The following TDRD15 variants were observed in gnomAD, a reference collection of about 807,000 sequenced individuals.
TDRD15 encodes the protein tudor domain containing 15.
For missense variants in TDRD15, 1,416 were observed against 904.7 expected, an observed-to-expected ratio of 1.57 and a Z score of -7.25; for synonymous variants, 503 against 314.5, an observed-to-expected ratio of 1.60 and a Z score of -6.34.
At chr2:21,127,237 T>C (rs1366003852) in intron 1 of TDRD15, among the ~76,000 whole-genome samples, 2 of 152,160 alleles carry the variant, frequency 1.3e-5, no homozygotes, top group African/African-American at 4.8e-5. Context: ...GTTTTGTAAG[T>C]ATTTTCTCAC....
intron 2 of TDRD15, among the ~76,000 whole-genome samples, chr2:21,131,137 C>T (rs1433579604): frequency 6.6e-6 from 1 of 152,076 alleles, no homozygotes; most frequent in Admixed American, 6.5e-5. Flanking sequence ...AGTTTTAAAG[C>T]AAAAATTAGA....
intron 2 of TDRD15, among the ~76,000 whole-genome samples, chr2:21,132,410 G>A (rs1665736621): frequency 1.3e-5 from 2 of 152,080 alleles, no homozygotes; most frequent in Admixed American, 1.3e-4. Context: ...ATGGGGTGGA[G>A]TTAAGGCTAA....
chr2:21,125,520 T>G (rs535785611), intron 1 of TDRD15, among the ~76,000 whole-genome samples: 1 of 150,646 alleles, frequency 6.6e-6, no homozygotes, highest in South Asian at 2.1e-4. Flanking sequence ...AGAGAGAGAG[T>G]GAGTTAGTGT....
chr2:21,125,274 CT>C (rs1553306656), intron 1 of TDRD15, among the ~76,000 whole-genome samples: 2 of 128,508 alleles, frequency 1.6e-5, no homozygotes, highest in East Asian at 3.2e-4. Context: ...GTTCTAGCGT[CT>C]GTGTGTGAGA....
chr2:21,127,084 T>C (rs1049457767), intron 1 of TDRD15, among the ~76,000 whole-genome samples: 6 of 152,240 alleles, frequency 3.9e-5, no homozygotes, highest in Non-Finnish European at 8.8e-5. Context: ...TAAGCATCTT[T>C]TTCAAATGCG....
intron 2 of TDRD15, 125 bp downstream of exon 2, chr2:21,127,836 A>G (rs1245375984): frequency 2.6e-5 from 4 of 152,224 alleles, no homozygotes; most frequent in African/African-American, 9.6e-5. Context: ...ACCAAAATGC[A>G]TCCCAGGATT....
chr2:21,129,728 T>A (rs949632472), intron 2 of TDRD15, among the ~76,000 whole-genome samples: 2 of 152,202 alleles, frequency 1.3e-5, no homozygotes, highest in East Asian at 1.9e-4. Flanking sequence ...CTGTTTTTTT[T>A]ATCTTTTGTT....
In TDRD15 at chr2:21,142,180, A is replaced by T. The variant is rs1357233657; in HGVS notation, c.4713A>T (p.Ser1571=). Residue 1571 remains serine, a synonymous_variant, in exon 4 of 4, where the codon TCA becomes TCT. Transcript: ENST00000405799. ...TKEEKKSPFL[S]MESIEKGLEC... Reference sequence around the variant, plus strand: ...AAGAAAAAAAATCCCCTTTTTTATCAATGGAAAGTATTGAAAAAGGTTTAG... The same window carrying T: ...AAGAAAAAAAATCCCCTTTTTTATCTATGGAAAGTATTGAAAAAGGTTTAG... 1.5e-6 allele frequency: 1 copy of T among 675,104 alleles called. No individual in the cohort carries two copies. Among genetic ancestry groups the T allele is most frequent in the Non-Finnish European group, 2.7e-6 (1 of 373,528 alleles). 41.8% of individuals were successfully genotyped at this position (675,104 alleles called of 1,614,324 possible). A position where few individuals can be genotyped will look rare whatever the true frequency, so the allele number is the denominator to read the frequency against.
At chr2:21,126,984 T>G (rs925849946) in intron 1 of TDRD15, among the ~76,000 whole-genome samples, 1 of 152,234 alleles carries the variant, frequency 6.6e-6, no homozygotes, top group African/African-American at 2.4e-5. Flanking sequence ...CAGTGTTTGG[T>G]ACGGTTGCCC....
Position 21,141,776 on chromosome 2 carries a change from A to G in TDRD15, c.4309A>G (p.Lys1437Glu). The G allele has an allele frequency of 1.4e-6, 1 of 714,458 alleles. No individual in the cohort carries two copies. The allele number at this position is 714,458 out of a possible 1,614,324, so 44.3% of individuals were successfully genotyped here. A position where few individuals can be genotyped will look rare whatever the true frequency, so the allele number is the denominator to read the frequency against. The change falls in exon 4 of 4, where the codon AAA becomes GAA. Residue 1437 changes from lysine to glutamate, a missense_variant. Coordinates refer to ENST00000405799, the MANE Select transcript of TDRD15 (RefSeq NM_001306137.2). ...TTATTTTACTTCGAAAGTACATAAC[A>G]AAACAGTTTATTGTGAATTTTTGAA... ...VDYFTSKVHNKTVYCEFLKKH... is the reference protein window; with the variant it reads ...VDYFTSKVHNETVYCEFLKKH...
In TDRD15 at chr2:21,142,282, A is replaced by G. The variant is rs937486074; in HGVS notation, c.4815A>G (p.Val1605=). The G allele has an allele frequency of 1.7e-5, 12 of 691,338 alleles. No individual in the cohort carries two copies. In the African/African-American group the frequency reaches 2.2e-4, roughly 12 times the overall value. 42.8% of individuals were successfully genotyped at this position (691,338 alleles called of 1,614,324 possible). The change falls in exon 4 of 4, where the codon GTA becomes GTG. Residue 1605 remains valine (V), a synonymous_variant. Transcript: ENST00000405799. ...KVEEKYVDDK[V]LVFLVDCGIY... ...AAGAAAAGTATGTTGATGATAAAGT[A>G]CTTGTTTTTTTAGTAGATTGTGGTA...
intron 2 of TDRD15, among the ~76,000 whole-genome samples, chr2:21,131,126 A>C (rs1035261119): frequency 6.6e-6 from 1 of 152,182 alleles, no homozygotes; most frequent in African/African-American, 2.4e-5. Flanking sequence ...GATAAAATCC[A>C]AGTTTTAAAG....
rs1399044970 is a variant in TDRD15 at position 21,142,285 on chromosome 2, T to A, written c.4818T>A (p.Leu1606=). The A allele has an allele frequency of 1.4e-6, 1 of 690,918 alleles. No individual in the cohort carries two copies. Among genetic ancestry groups the A allele is most frequent in the Non-Finnish European group, 2.6e-6 (1 of 377,614 alleles). 42.8% of individuals were successfully genotyped at this position (690,918 alleles called of 1,614,324 possible). ...AAAAGTATGTTGATGATAAAGTACT[T>A]GTTTTTTTAGTAGATTGTGGTATCT... ...VEEKYVDDKV[L]VFLVDCGIYE... Residue 1606 remains leucine, a synonymous_variant, in exon 4 of 4, where the codon CTT becomes CTA. Transcript: ENST00000405799.
intron 3 of TDRD15, among the ~76,000 whole-genome samples, chr2:21,136,409 A>C (rs1517471): frequency 0.081 from 12,335 of 151,992 alleles, 658 homozygotes; most frequent in East Asian, 0.16. Context: ...TGTATAGTTC[A>C]TCCTAATATC....
chr2:21,137,188 T>A (rs1054241970), intron 3 of TDRD15, among the ~76,000 whole-genome samples: 34 of 151,990 alleles, frequency 2.2e-4, no homozygotes, highest in Non-Finnish European at 5.9e-5. Context: ...AAAATAAAGG[T>A]TGCTCCTCTC....
chr2:21,146,585 C>T (rs1207507633), downstream of TDRD15, among the ~76,000 whole-genome samples: 2 of 151,886 alleles, frequency 1.3e-5, no homozygotes, highest in Non-Finnish European at 2.9e-5. Flanking sequence ...ATGTAATAAC[C>T]CATTCAAAAA....
chr2:21,143,234 G>A lies in TDRD15; in HGVS notation c.5767G>A (p.Ala1923Thr). ...TTCTAAAGATTCACCTCATCTTGAT[G>A]CAATTACTGCTACTGAATCTGCTAA... is the stretch of plus-strand genomic sequence containing the variant. ...TYSKDSPHLD[A>T]ITATESAKNP... is the part of the protein sequence containing the mutation. The change falls in exon 4 of 4, where the codon GCA becomes ACA. Residue 1923 changes from alanine (A) to threonine (T), a missense_variant. Coordinates refer to ENST00000405799, the MANE Select transcript of TDRD15 (RefSeq NM_001306137.2). 1.6e-6 allele frequency: 1 copy of A among 643,908 alleles called. No homozygotes were observed. The highest frequency in any genetic ancestry group is 2.8e-6 in the Non-Finnish European group (1 of 354,336). 39.9% of individuals were successfully genotyped at this position (643,908 alleles called of 1,614,324 possible). A position where few individuals can be genotyped will look rare whatever the true frequency, so the allele number is the denominator to read the frequency against.
intron 3 of TDRD15, among the ~76,000 whole-genome samples, chr2:21,135,128 T>G (rs1665784835): frequency 6.8e-6 from 1 of 145,986 alleles, no homozygotes; most frequent in African/African-American, 2.5e-5. Flanking sequence ...TATTATGTAT[T>G]AAATATTATA....
chr2:21,135,074 T>C (rs1665783245), intron 3 of TDRD15, among the ~76,000 whole-genome samples: 2 of 146,434 alleles, frequency 1.4e-5, no homozygotes, highest in African/African-American at 4.9e-5. Flanking sequence ...TATTTATATA[T>C]AAACAATTAG....
Sources: allele counts gnomAD v4.1 joint callset (sites outside exome capture counted in the v4.1 genomes callset), GRCh38; gene constraint gnomAD v4.1.1; transcripts MANE v1.5; gene names NCBI Gene and HGNC (gene_info 2026-07-23, HGNC 2026-07-21).